MALRD1: variants seen among roughly 807,000 people sequenced by gnomAD.
MALRD1 encodes MAM and LDL receptor class A domain containing 1.
A neutral mutation model predicts 242.1 loss-of-function variants in MALRD1; 247 were observed. That is an observed-to-expected ratio of 1.02 (90% CI 0.92 to 1.13). MALRD1 has a LOEUF of 1.13. Ranked by LOEUF, MALRD1 falls within the 50% of genes most tolerant of loss-of-function variation. The pLI is 0.00. For missense variants in MALRD1, 2,989 were observed against 2,533.1 expected, an observed-to-expected ratio of 1.18 and a Z score of -3.86; for synonymous variants, 995 against 866.6, an observed-to-expected ratio of 1.15 and a Z score of -2.60.
chr10:19,432,526 C>T (rs1031079988), intron 28 of MALRD1, among the ~76,000 whole-genome samples: 3 of 152,106 alleles, frequency 2.0e-5, no homozygotes. Context: ...TAAATAAACA[C>T]TTATTTAGTG....
intron 5 of MALRD1, among the ~76,000 whole-genome samples, chr10:19,113,816 C>CACACACACACACACACAG (rs1836771440): frequency 2.0e-5 from 3 of 147,396 alleles, no homozygotes; most frequent in Admixed American, 6.8e-5. Context: ...CACACACACA[C>CACACACACACACACACAG]ACACACACAC....
At chr10:19,437,946 T>C (rs1471308148) in intron 28 of MALRD1, among the ~76,000 whole-genome samples, 1 of 152,130 alleles carries the variant, frequency 6.6e-6, no homozygotes, top group Non-Finnish European at 1.5e-5. Flanking sequence ...TTCCTTACAA[T>C]TTTTGGTAGT....
At chr10:19,402,903 C>T (rs1564310361) in intron 28 of MALRD1, among the ~76,000 whole-genome samples, 2 of 152,138 alleles carry the variant, frequency 1.3e-5, no homozygotes, top group East Asian at 1.9e-4. Flanking sequence ...TTCCCTTCTG[C>T]GTCTTGTCAC....
intron 18 of MALRD1, among the ~76,000 whole-genome samples, chr10:19,226,716 G>T (rs547282487): frequency 6.6e-6 from 1 of 152,074 alleles, no homozygotes; most frequent in South Asian, 2.1e-4. Context: ...TGACACCCAA[G>T]TTGGGAAGAA....
At chr10:19,497,392 A>T (rs1003348674) in intron 30 of MALRD1, among the ~76,000 whole-genome samples, 1 of 108,722 alleles carries the variant, frequency 9.2e-6, no homozygotes, top group Non-Finnish European at 1.8e-5. Flanking sequence ...ATATATAGTC[A>T]TATAGAATGA....
chr10:19,062,834 A>G (rs1834861496), intron 1 of MALRD1, among the ~76,000 whole-genome samples: 1 of 151,978 alleles, frequency 6.6e-6, no homozygotes, highest in Non-Finnish European at 1.5e-5. Context: ...AACAATGTGA[A>G]TATACTGAAT....
chr10:19,548,229 C>G (rs1354169297), intron 32 of MALRD1, among the ~76,000 whole-genome samples: 1 of 151,736 alleles, frequency 6.6e-6, no homozygotes, highest in Non-Finnish European at 1.5e-5. Context: ...GAACTCCTGA[C>G]CTCAGGTGAT....
intron 33 of MALRD1, among the ~76,000 whole-genome samples, chr10:19,580,203 T>A (rs1032267567): frequency 6.6e-6 from 1 of 152,130 alleles, no homozygotes; most frequent in East Asian, 1.9e-4. Flanking sequence ...TTATTGGGGG[T>A]TATACGAAGG....
chr10:19,315,964 C>G (rs546944556), intron 21 of MALRD1, among the ~76,000 whole-genome samples: 1 of 150,120 alleles, frequency 6.7e-6, no homozygotes, highest in East Asian at 2.0e-4. Context: ...TGAATTTACT[C>G]AGACATCCAC....
intron 36 of MALRD1, among the ~76,000 whole-genome samples, chr10:19,619,380 C>T (rs1387177872): frequency 6.6e-6 from 1 of 152,002 alleles, no homozygotes; most frequent in East Asian, 2.0e-4. Context: ...TACAAAACGA[C>T]CTGTTGAAAA....
At chr10:19,705,271 T>A (rs1227016629) in intron 38 of MALRD1, among the ~76,000 whole-genome samples, 2 of 152,128 alleles carry the variant, frequency 1.3e-5, no homozygotes, top group Non-Finnish European at 2.9e-5. Flanking sequence ...AATCAAAATC[T>A]TGCTTACTCT....
intron 38 of MALRD1, among the ~76,000 whole-genome samples, chr10:19,715,325 AT>A (rs1326694440): frequency 6.6e-6 from 1 of 151,062 alleles, no homozygotes; most frequent in African/African-American, 2.4e-5. Context: ...TTATTAATAT[AT>A]TTTAAAATGA....
intron 29 of MALRD1, among the ~76,000 whole-genome samples, chr10:19,470,818 G>T: frequency 6.6e-6 from 1 of 150,690 alleles, no homozygotes; most frequent in South Asian, 2.1e-4. Flanking sequence ...TATATATTTT[G>T]GATATTAGTC....
At chr10:19,614,534 G>A (rs747565822) in intron 35 of MALRD1, among the ~76,000 whole-genome samples, 5 of 151,946 alleles carry the variant, frequency 3.3e-5, no homozygotes, top group African/African-American at 4.8e-5. Context: ...AGGCCTAGGA[G>A]CAACTTGGGT....
chr10:19,307,257 T>G (rs887131558), intron 21 of MALRD1, among the ~76,000 whole-genome samples: 2 of 151,516 alleles, frequency 1.3e-5, no homozygotes, highest in Non-Finnish European at 3.0e-5. Flanking sequence ...CGAAGGATTT[T>G]CATCTGTATT....
At chr10:19,125,534 T>TTTTTCTTTCTTCC (rs1324956663) in intron 7 of MALRD1, among the ~76,000 whole-genome samples, 1 of 151,410 alleles carries the variant, frequency 6.6e-6, no homozygotes, top group Non-Finnish European at 1.5e-5. Context: ...TTTTTGCTTT[T>TTTTTCTTTCTTCC]TTTTCTTTCT....
intron 36 of MALRD1, among the ~76,000 whole-genome samples, chr10:19,674,040 C>CTT (rs1442716770): frequency 6.6e-6 from 1 of 152,054 alleles, no homozygotes; most frequent in Non-Finnish European, 1.5e-5. Flanking sequence ...AGTGGCCTAT[C>CTT]TTAGACTTGT....
At chr10:19,393,099 G>T (rs1035581505) in intron 28 of MALRD1, among the ~76,000 whole-genome samples, 18 of 152,156 alleles carry the variant, frequency 1.2e-4, no homozygotes, top group African/African-American at 3.4e-4. Context: ...CTGCATAATT[G>T]GTTGGGTGTA....
At chr10:19,574,625 T>C (rs1836717071) in intron 33 of MALRD1, among the ~76,000 whole-genome samples, 2 of 152,220 alleles carry the variant, frequency 1.3e-5, no homozygotes, top group African/African-American at 4.8e-5. Flanking sequence ...GTCTAAACTA[T>C]GGCTGTACCA....
Sources: gnomAD v4.1 joint callset for allele counts (sites outside exome capture counted in the v4.1 genomes callset) on GRCh38, gnomAD v4.1.1 for gene constraint, MANE v1.5 for transcripts, NCBI Gene and HGNC (gene_info 2026-07-23, HGNC 2026-07-21) for gene names.